ARL8A: variants seen among roughly 807,000 people sequenced by gnomAD.
The protein encoded by ARL8A is ARF like GTPase 8A.
Under a neutral mutation model 31.2 loss-of-function variants are expected in ARL8A, and 10 were observed. That is an observed-to-expected ratio of 0.32 (90% confidence interval 0.20 to 0.54). The LOEUF is 0.54. Among genes scored for constraint, ARL8A ranks in the 20% least tolerant of loss-of-function variants. The pLI is 0.93. For synonymous variants in ARL8A, 70 were observed against 86.9 expected, an observed-to-expected ratio of 0.81 and a Z score of 1.08; for missense variants, 129 against 242.8, an observed-to-expected ratio of 0.53 and a Z score of 3.12.
In ARL8A at chr1:202,135,154, G is replaced by A. The variant is rs150397242; in HGVS notation, c.507C>T (p.Asn169=). ...CYSISCKEKD[N]IDITLQWLIQ... is the part of the protein sequence containing the mutation. ...CCTTTCCCCCATCCTACGCACCAAT[G>A]TTGTCCTTTTCTTTGCAAGAGATGG... The change falls in exon 6 of 7, where the codon AAC becomes AAT. Residue 169 remains asparagine, a synonymous_variant. Transcript: ENST00000272217. The surrounding 1 kb of genome is among the most constrained non-coding windows in gnomAD (Gnocchi z 5.3). 1.4e-3 allele frequency: 2,276 copies of A among 1,613,602 alleles called. 12 individuals carry two copies. The highest frequency in any genetic ancestry group is 7.2e-3 in the South Asian group (659 of 91,060).
chr1:202,134,676 G>A lies in ARL8A; in HGVS notation c.512-160C>T, dbSNP rs1335005398. ...TCTCAGCTACATGGGAAGCTCAGGT[G>A]AGAGGATTGCTTGAACCCAGGAGTG... On this transcript the variant is annotated intron_variant, in intron 6 of 6. Transcript: ENST00000272217. This position sits in a 1 kb window ranked among gnomAD's most constrained non-coding sequence, Gnocchi z 4.2. 6.6e-6 allele frequency among the ~76,000 whole-genome samples: 1 copy of A among 152,148 alleles called. No homozygotes were observed. Among genetic ancestry groups the A allele is most frequent in the African/African-American group, 2.4e-5 (1 of 41,436 alleles).
In ARL8A at chr1:202,144,114, G is replaced by A. The variant is rs990924586; in HGVS notation, c.123+336C>T. 5.3e-5 allele frequency among the ~76,000 whole-genome samples: 8 copies of A among 152,178 alleles called. No individual in the cohort carries two copies. The highest frequency in any genetic ancestry group is 1.9e-4 in the East Asian group (1 of 5,174). ...TGCCCCCTTGCGCGGGGGCCAGAGG[G>A]GGCCCGTCTCAGCCGGCAGCGGGTC... On this transcript the variant is annotated intron_variant, in intron 1 of 6. Coordinates refer to ENST00000272217, the MANE Select transcript of ARL8A (RefSeq NM_138795.4). This position sits in a 1 kb window ranked among gnomAD's most constrained non-coding sequence, Gnocchi z 5.2.
At position 202,144,376 on chromosome 1, in the gene ARL8A, A is replaced by T; in HGVS notation, c.123+74T>A. On this transcript the variant is annotated intron_variant, in intron 1 of 6. Transcript: ENST00000272217. The surrounding 1 kb of genome is among the most constrained non-coding windows in gnomAD (Gnocchi z 5.2). ...TGCCAGGCGGCGACCCCGGCTCAGC[A>T]GGGCGCGGCGCGGGCGGGGACAGGC... is the stretch of plus-strand genomic sequence containing the variant. The T allele has an allele frequency of 1.0e-6, 1 of 987,986 alleles. No individual in the cohort carries two copies. Among genetic ancestry groups the T allele is most frequent in the Non-Finnish European group, 1.2e-6 (1 of 821,934 alleles). 61.2% of individuals were successfully genotyped at this position (987,986 alleles called of 1,614,324 possible).
chr1:202,139,944 G>T (rs1421405599), intron 1 of ARL8A, among the ~76,000 whole-genome samples: 2 of 151,564 alleles, frequency 1.3e-5, no homozygotes, highest in African/African-American at 4.9e-5. Flanking sequence ...CACGGTGCCC[G>T]GCCAAGCCCT....
chr1:202,142,912 C>T (rs1050811302), intron 1 of ARL8A, among the ~76,000 whole-genome samples: 7 of 152,156 alleles, frequency 4.6e-5, no homozygotes, highest in Non-Finnish European at 7.3e-5. Flanking sequence ...CAGACCTAAA[C>T]GCCTAGAACC....
chr1:202,140,289 C>A (rs1014878741), intron 1 of ARL8A, among the ~76,000 whole-genome samples: 2 of 142,218 alleles, frequency 1.4e-5, no homozygotes, highest in African/African-American at 5.3e-5. Flanking sequence ...GCCACCATGC[C>A]TAGCTAATTT....
rs1449049273 is a variant in ARL8A at position 202,138,070 on chromosome 1, A to G, written c.205-32T>C. The G allele has an allele frequency of 3.7e-6, 6 of 1,613,132 alleles. No homozygotes were observed. The highest frequency in any genetic ancestry group is 5.1e-6 in the Non-Finnish European group (6 of 1,179,516). On this transcript the variant is annotated intron_variant, in intron 2 of 6. Coordinates refer to ENST00000272217, the MANE Select transcript of ARL8A (RefSeq NM_138795.4). The surrounding 1 kb of genome is among the most constrained non-coding windows in gnomAD (Gnocchi z 4.4). ...AAGAAGAGGGTGAGATAGCCTCAGT[A>G]GTGGGCAGGCCACCAAAACGTGTCT...
chr1:202,138,447 G>T lies in ARL8A; in HGVS notation c.125C>A (p.Ser42Ter). 1 of 1,613,846 alleles carries T rather than the reference G, an allele frequency of 6.2e-7. No individual in the cohort carries two copies. The highest frequency in any genetic ancestry group is 8.5e-7 in the Non-Finnish European group (1 of 1,179,776). Residue 42 changes from serine to a stop codon, truncating the protein, a stop_gained and splice_region_variant, in exon 2 of 7, where the codon TCA (serine) becomes TAA (stop). Transcript: ENST00000272217. LOFTEE classifies it high-confidence loss of function. The surrounding 1 kb of genome is among the most constrained non-coding windows in gnomAD (Gnocchi z 4.4). ...GATCATGTCCTCGTTGAACTGTCCT[G>T]ACTGGAAAGAAGACTCAGAATGGGA... is the stretch of plus-strand genomic sequence containing the variant. Reference protein sequence around the residue: ...GKTTFVNVIASGQFNEDMIPT... With the variant: ...GKTTFVNVIA
In ARL8A at chr1:202,144,052, C is replaced by A. The variant is rs1170122030; in HGVS notation, c.123+398G>T. Among the ~76,000 whole-genome samples the A allele has an allele frequency of 6.6e-6, 1 of 152,242 alleles. No homozygotes were observed. The highest frequency in any genetic ancestry group is 1.5e-5 in the Non-Finnish European group (1 of 68,036). The stretch of plus-strand genomic sequence containing the variant: ...CCGCCCCGTCCCGTGACCCTCTACC[C>A]GCGGGACAGGAAGGCCCGTGCACTT... On this transcript the variant is annotated intron_variant, in intron 1 of 6. Transcript: ENST00000272217. The surrounding 1 kb of genome is among the most constrained non-coding windows in gnomAD (Gnocchi z 5.2).
At chr1:202,139,235 G>A (rs1476058858) in intron 1 of ARL8A, among the ~76,000 whole-genome samples, 3 of 152,132 alleles carry the variant, frequency 2.0e-5, no homozygotes, top group African/African-American at 7.2e-5. Context: ...ATATCTCCAT[G>A]TTCACAGGTA....
At chr1:202,139,770 C>A (rs941784259) in intron 1 of ARL8A, among the ~76,000 whole-genome samples, 1 of 149,870 alleles carries the variant, frequency 6.7e-6, no homozygotes, top group Non-Finnish European at 1.5e-5. Flanking sequence ...GCCTCAGCCT[C>A]CCCAGTAGCT....
intron 3 of ARL8A, among the ~76,000 whole-genome samples, chr1:202,137,387 G>A (rs993476507): frequency 4.6e-5 from 7 of 152,058 alleles, no homozygotes; most frequent in Non-Finnish European, 8.8e-5. Flanking sequence ...ATGTAATTTG[G>A]GAGGCCGAGG....
At position 202,135,264 on chromosome 1, in the gene ARL8A, AG is replaced by A; in HGVS notation, c.441-45del. The stretch of plus-strand genomic sequence containing the variant: ...GAGTCCGCTGAGGCTACGAACGTCC[AG>A]GGGGCCTGGGGCTAGGGGACAGCGG... On this transcript the variant is annotated intron_variant, in intron 5 of 6. Coordinates refer to ENST00000272217, the MANE Select transcript of ARL8A (RefSeq NM_138795.4). The surrounding 1 kb of genome is among the most constrained non-coding windows in gnomAD (Gnocchi z 5.3). 1 of 1,584,598 alleles carries A rather than the reference AG, an allele frequency of 6.3e-7. No homozygotes were observed. The highest frequency in any genetic ancestry group is 8.7e-7 in the Non-Finnish European group (1 of 1,153,264).
chr1:202,140,277 G>A (rs73085618), intron 1 of ARL8A, among the ~76,000 whole-genome samples: 5,558 of 150,430 alleles, frequency 0.037, 244 homozygotes, highest in East Asian at 0.14. Flanking sequence ...CTACAGGCGC[G>A]TGCCACCATG....
At chr1:202,136,753 G>C (rs1294433080) in intron 3 of ARL8A, among the ~76,000 whole-genome samples, 2 of 152,186 alleles carry the variant, frequency 1.3e-5, no homozygotes. Flanking sequence ...TACTTTTGTA[G>C]AGATAGGGTT....
At chr1:202,137,361 G>GTT (rs1655038801) in intron 3 of ARL8A, among the ~76,000 whole-genome samples, 1 of 152,040 alleles carries the variant, frequency 6.6e-6, no homozygotes, top group Non-Finnish European at 1.5e-5. Context: ...AGAGGGCTGC[G>GTT]CGCGGTGGCT....
In ARL8A at chr1:202,134,524, G is replaced by A. The variant is rs1654951195; in HGVS notation, c.512-8C>T. ...GCCACTGTAGGGTGATGTCTGATAG[G>A]AGAAAAGAGAACAGCTTATAAGGCC... is the stretch of plus-strand genomic sequence containing the variant. On this transcript the variant is annotated splice_polypyrimidine_tract_variant and splice_region_variant and intron_variant, in intron 6 of 6. Transcript: ENST00000272217. This position sits in a 1 kb window ranked among gnomAD's most constrained non-coding sequence, Gnocchi z 4.2. 1 of 1,612,180 alleles carries A rather than the reference G, an allele frequency of 6.2e-7. No individual in the cohort carries two copies. Among genetic ancestry groups the A allele is most frequent in the Non-Finnish European group, 8.5e-7 (1 of 1,178,290 alleles).
chr1:202,135,543 G>T lies in ARL8A; in HGVS notation c.373-17C>A. 1 of 1,613,768 alleles carries T rather than the reference G, an allele frequency of 6.2e-7. No homozygotes were observed. The highest frequency in any genetic ancestry group is 8.5e-7 in the Non-Finnish European group (1 of 1,179,704). ...GACTAAGACCTACGGAGAAGGGAGGGTGAGGATGAGGTCTAGGGCAGCCGT... is the reference window on the plus strand; with the variant it reads ...GACTAAGACCTACGGAGAAGGGAGGTTGAGGATGAGGTCTAGGGCAGCCGT... On this transcript the variant is annotated splice_polypyrimidine_tract_variant and intron_variant, in intron 4 of 6. Transcript: ENST00000272217. The surrounding 1 kb of genome is among the most constrained non-coding windows in gnomAD (Gnocchi z 5.3).
chr1:202,135,328 T>G lies in ARL8A; in HGVS notation c.441-108A>C, dbSNP rs1571718718. On this transcript the variant is annotated intron_variant, in intron 5 of 6. Transcript: ENST00000272217. The surrounding 1 kb of genome is among the most constrained non-coding windows in gnomAD (Gnocchi z 5.3). ...ACCTAAGAGGCTACAAAGGGGAGGG[T>G]GAGGTGCCTGAAAAGGTCGGCTCTG... The G allele has an allele frequency of 6.9e-7, 1 of 1,443,838 alleles. No individual in the cohort carries two copies. Among genetic ancestry groups the G allele is most frequent in the Non-Finnish European group, 9.7e-7 (1 of 1,027,254 alleles). The allele number at this position is 1,443,838 out of a possible 1,614,324, so 89.4% of individuals were successfully genotyped here.
Sources: gnomAD v4.1 joint callset for allele counts (sites outside exome capture counted in the v4.1 genomes callset) on GRCh38, gnomAD v4.1.1 for gene constraint, Gnocchi (gnomAD v3.1) non-coding constraint, MANE v1.5 for transcripts, NCBI Gene and HGNC (gene_info 2026-07-23, HGNC 2026-07-21) for gene names.